PI16: variants seen among roughly 807,000 people sequenced by gnomAD.
PI16 encodes peptidase inhibitor 16.
A neutral mutation model predicts 38.0 loss-of-function variants in PI16; 35 were observed. The ratio of observed to expected loss-of-function variants is 0.92; its 90% CI spans 0.70 to 1.22. PI16 has a LOEUF of 1.22. PI16 is among the 50% of genes most tolerant of loss of function. The pLI, the probability that PI16 is intolerant of heterozygous loss-of-function variation, is 0.00. For missense variants in PI16, 572 were observed against 593.8 expected, an observed-to-expected ratio of 0.96 and a Z score of 0.38; for synonymous variants, 275 against 252.9, an observed-to-expected ratio of 1.09 and a Z score of -0.83.
chr6:36,963,884 GTGGGGCCCTCTCC>G lies in PI16; in HGVS notation c.1337_1349del (p.Gly446AspfsTer46), dbSNP rs760330690. On this transcript the variant is annotated frameshift_variant, in exon 6 of 7. Coordinates refer to ENST00000373674, the MANE Select transcript of PI16 (RefSeq NM_153370.3). LOFTEE classifies it high-confidence loss of function. ...GGCTGAACTCGGGCCCTGGTCATGT[GTGGGGCCCTCTCC>G]TGGGACTACTGCTCCTGCCTCCTCT... 6 of 1,613,748 alleles carry G rather than the reference GTGGGGCCCTCTCC, an allele frequency of 3.7e-6. No homozygotes were observed. The highest frequency in any genetic ancestry group is 2.5e-6 in the Non-Finnish European group (3 of 1,179,880).
At chr6:36,956,568 C>T (rs749401092) in intron 1 of PI16, among the ~76,000 whole-genome samples, 1 of 152,200 alleles carries the variant, frequency 6.6e-6, no homozygotes, top group Non-Finnish European at 1.5e-5. Flanking sequence ...CAGGTTCAAC[C>T]TCAGCAGTGG....
At chr6:36,954,966 G>T in intron 1 of PI16, 35 bp downstream of exon 1, 4 of 1,602,518 alleles carry the variant, frequency 2.5e-6, no homozygotes, top group Non-Finnish European at 3.4e-6. Flanking sequence ...GGCTGGGATG[G>T]AAGGGGTGCT....
intron 2 of PI16, among the ~76,000 whole-genome samples, chr6:36,960,361 G>GTGTGTA (rs1554141492): frequency 1.3e-5 from 2 of 148,510 alleles, no homozygotes; most frequent in Non-Finnish European, 3.0e-5. Context: ...GTGTGTGTGT[G>GTGTGTA]TGTAGGGGAA....
In PI16 at chr6:36,959,211, AAGG is replaced by A. The variant is rs767122160; in HGVS notation, c.241_243del (p.Glu81del). The A allele has an allele frequency of 6.2e-7, 1 of 1,611,174 alleles. No homozygotes were observed. The highest frequency in any genetic ancestry group is 8.5e-7 in the Non-Finnish European group (1 of 1,179,248). On this transcript the variant is annotated inframe_deletion, in exon 2 of 7. Coordinates refer to ENST00000373674, the MANE Select transcript of PI16 (RefSeq NM_153370.3). ...ACGGCAGTGCGTGTGGGGCCACAACAAGGAGCGCGGGCGCCGCGGCGAGAATCT... is the reference window on the plus strand; with the variant it reads ...ACGGCAGTGCGTGTGGGGCCACAACAAGCGCGGGCGCCGCGGCGAGAATCT...
chr6:36,953,856 CTTGAT>C (rs1252596898), upstream of PI16, among the ~76,000 whole-genome samples: 1 of 152,232 alleles, frequency 6.6e-6, no homozygotes, highest in African/African-American at 2.4e-5. Context: ...TCTGCTCTCT[CTTGAT>C]TTAAGAAACA....
At chr6:36,948,410 C>T in intron 1 of PI16, 1 of 152,244 alleles carries the variant, frequency 6.6e-6, no homozygotes, top group East Asian at 1.9e-4. Context: ...GCCAGGTCAG[C>T]ACTTTAATTC....
At chr6:36,963,780 A>C in intron 5 of PI16, 43 bp from the exon 6 acceptor site, 1 of 1,543,386 alleles carries the variant, frequency 6.5e-7, no homozygotes, top group African/African-American at 1.4e-5. Context: ...GACATCAGGC[A>C]CAGCTGTCTC....
upstream of PI16, chr6:36,954,698 G>C (rs1409096039): frequency 6.5e-6 from 10 of 1,546,564 alleles, no homozygotes; most frequent in Admixed American, 1.9e-4. Context: ...GTGCTTGTGT[G>C]GGAAGGACTT....
At chr6:36,954,960 G>T in intron 1 of PI16, 29 bp downstream of exon 1, 1 of 1,604,430 alleles carries the variant, frequency 6.2e-7, no homozygotes, top group Non-Finnish European at 8.5e-7. Flanking sequence ...CTTGCTGGCT[G>T]GGATGGAAGG....
upstream of PI16, among the ~76,000 whole-genome samples, chr6:36,950,265 G>T (rs764042711): frequency 6.6e-6 from 1 of 152,146 alleles, no homozygotes; most frequent in Non-Finnish European, 1.5e-5. The surrounding 1 kb of genome is among the most constrained non-coding windows in gnomAD (Gnocchi z 4.2). Context: ...ACTCTAGCTA[G>T]GTACTGCATA....
intron 1 of PI16, among the ~76,000 whole-genome samples, chr6:36,948,898 G>A (rs912514328): frequency 2.6e-5 from 4 of 151,452 alleles, no homozygotes; most frequent in African/African-American, 4.9e-5. Context: ...GGGTTCAAGC[G>A]ATTATTCTGC....
At position 36,961,777 on chromosome 6, in the gene PI16, C is replaced by A. The variant is rs149869043; in HGVS notation, c.504-109C>A. The A allele has an allele frequency of 5.8e-4, 600 of 1,039,406 alleles. 6 individuals carry two copies. In the East Asian group the frequency reaches 0.011, roughly 18 times the overall value. 64.4% of individuals were successfully genotyped at this position (1,039,406 alleles called of 1,614,324 possible). ...GTTCGCCCAGCAAGTCAGTGGCTGGCAGTCAGGAGACCCAAGGGCATTTCC... is the reference window on the plus strand; with the variant it reads ...GTTCGCCCAGCAAGTCAGTGGCTGGAAGTCAGGAGACCCAAGGGCATTTCC... On this transcript the variant is annotated intron_variant, in intron 3 of 6. Coordinates refer to ENST00000373674, the MANE Select transcript of PI16 (RefSeq NM_153370.3).
chr6:36,952,380 A>T (rs1763115816), upstream of PI16, among the ~76,000 whole-genome samples: 4 of 152,208 alleles, frequency 2.6e-5, no homozygotes, highest in Admixed American at 2.6e-4. Context: ...AATCCTTGCC[A>T]CATCCAATGC....
At position 36,959,223 on chromosome 6, in the gene PI16, C is replaced by T. The variant is rs2150736792; in HGVS notation, c.250C>T (p.Arg84Cys). 1 of 1,609,904 alleles carries T rather than the reference C, an allele frequency of 6.2e-7. No individual in the cohort carries two copies. The highest frequency in any genetic ancestry group is 8.5e-7 in the Non-Finnish European group (1 of 1,178,704). ...GTGGGGCCACAACAAGGAGCGCGGG[C>T]GCCGCGGCGAGAATCTGTTCGCCAT... is the stretch of plus-strand genomic sequence containing the variant. Reference protein sequence around the residue: ...CVWGHNKERGRRGENLFAITD... With the variant: ...CVWGHNKERGCRGENLFAITD... The change falls in exon 2 of 7, where the codon CGC becomes TGC. Residue 84 changes from arginine (R) to cysteine (C), a missense_variant. Arg to Cys is a radical substitution (Grantham distance 180). Coordinates refer to ENST00000373674, the MANE Select transcript of PI16 (RefSeq NM_153370.3).
At chr6:36,948,643 TTCC>T (rs1763051035) in intron 1 of PI16, among the ~76,000 whole-genome samples, 3 of 74,292 alleles carry the variant, frequency 4.0e-5, no homozygotes, top group South Asian at 5.1e-4. Context: ...CCTTCCCTCC[TTCC>T]TCCCTCCCTC....
intron 1 of PI16, among the ~76,000 whole-genome samples, chr6:36,956,515 T>A (rs1583231178): frequency 1.3e-5 from 2 of 152,040 alleles, no homozygotes; most frequent in Non-Finnish European, 2.9e-5. Flanking sequence ...GAGGAGGAGA[T>A]GAGGCTGGGG....
intron 1 of PI16, among the ~76,000 whole-genome samples, chr6:36,956,269 G>A (rs986299600): frequency 2.0e-5 from 3 of 152,208 alleles, no homozygotes; most frequent in Non-Finnish European, 4.4e-5. Flanking sequence ...CAAACCAGGC[G>A]TCACAGATGC....
chr6:36,961,061 GTCTAAAAT>G (rs1272721119), intron 2 of PI16, among the ~76,000 whole-genome samples: 2 of 152,118 alleles, frequency 1.3e-5, no homozygotes, highest in African/African-American at 4.8e-5. Context: ...TGTTGCTGAG[GTCTAAAAT>G]TCTACCATTT....
chr6:36,958,999 G>C, intron 1 of PI16, 146 bp from the exon 2 acceptor site: 1 of 704,038 alleles, frequency 1.4e-6, no homozygotes, highest in East Asian at 2.7e-5. Context: ...CGCCCACCCA[G>C]AGCAGAGACC....
Sources: allele counts gnomAD v4.1 joint callset (sites outside exome capture counted in the v4.1 genomes callset), GRCh38; gene constraint gnomAD v4.1.1; non-coding constraint Gnocchi (gnomAD v3.1); transcripts MANE v1.5; gene names NCBI Gene and HGNC (gene_info 2026-07-23, HGNC 2026-07-21).